The following ALDH1A2 variants were observed in gnomAD, a reference collection of about 807,000 sequenced individuals.
ALDH1A2 encodes the protein retinal dehydrogenase 2.
Under a neutral mutation model 60.3 loss-of-function variants are expected in ALDH1A2, and 27 were observed. That is an observed-to-expected ratio of 0.45 (90% CI 0.33 to 0.62). The LOEUF is 0.62. ALDH1A2 is among the 20% of genes least tolerant of loss of function. ALDH1A2 has a pLI of 0.02. For synonymous variants in ALDH1A2, 289 were observed against 232.4 expected, an observed-to-expected ratio of 1.24 and a Z score of -2.21; for missense variants, 581 against 643.8, an observed-to-expected ratio of 0.90 and a Z score of 1.06.
intron 1 of ALDH1A2, among the ~76,000 whole-genome samples, chr15:58,044,624 C>A (rs548477773): frequency 2.0e-5 from 3 of 152,124 alleles, no homozygotes; most frequent in Non-Finnish European, 2.9e-5. Flanking sequence ...CTGCAGTCTT[C>A]CCAGGTGCAG....
intron 7 of ALDH1A2, among the ~76,000 whole-genome samples, chr15:57,966,345 C>G (rs1348644777): frequency 1.3e-5 from 2 of 152,218 alleles, no homozygotes; most frequent in Non-Finnish European, 2.9e-5. Flanking sequence ...GGATACCAGA[C>G]AGTTGAGAAT....
At chr15:57,978,430 T>A (rs1467803853) in intron 7 of ALDH1A2, among the ~76,000 whole-genome samples, 1 of 152,254 alleles carries the variant, frequency 6.6e-6, no homozygotes, top group Non-Finnish European at 1.5e-5. Context: ...CTTTTCTGTA[T>A]CTGCTGAGAT....
At chr15:57,957,137 AG>A (rs572884070) in intron 12 of ALDH1A2, among the ~76,000 whole-genome samples, 162 of 152,246 alleles carry the variant, frequency 1.1e-3, no homozygotes, top group Non-Finnish European at 1.9e-3. Flanking sequence ...GGAGGCATGG[AG>A]GAGATAAAGA....
At chr15:58,032,870 T>A (rs1237435769) in intron 1 of ALDH1A2, among the ~76,000 whole-genome samples, 3 of 151,910 alleles carry the variant, frequency 2.0e-5, no homozygotes, top group African/African-American at 7.3e-5. Flanking sequence ...ATCATGTCAT[T>A]TGCAGCAACG....
At chr15:57,968,602 A>G (rs918453647) in intron 7 of ALDH1A2, among the ~76,000 whole-genome samples, 5 of 152,240 alleles carry the variant, frequency 3.3e-5, no homozygotes, top group African/African-American at 9.6e-5. Context: ...TCTTCTAGAC[A>G]AAAATAATGT....
At chr15:57,979,125 C>T (rs1352909869) in intron 7 of ALDH1A2, among the ~76,000 whole-genome samples, 2 of 152,018 alleles carry the variant, frequency 1.3e-5, no homozygotes, top group Non-Finnish European at 2.9e-5. Flanking sequence ...TCACTTTCCC[C>T]ACTGGGCCCT....
At chr15:58,063,402 T>A (rs946011059) in intron 1 of ALDH1A2, among the ~76,000 whole-genome samples, 3 of 152,206 alleles carry the variant, frequency 2.0e-5, no homozygotes, top group Admixed American at 1.3e-4. Flanking sequence ...CATTCTATCT[T>A]GTTCACTCTT....
At chr15:58,024,766 A>G (rs1329590884) in intron 1 of ALDH1A2, among the ~76,000 whole-genome samples, 3 of 152,208 alleles carry the variant, frequency 2.0e-5, no homozygotes, top group African/African-American at 7.2e-5. Flanking sequence ...CACATGCAAT[A>G]TTCTCCAGAA....
intron 7 of ALDH1A2, among the ~76,000 whole-genome samples, chr15:57,977,835 T>C (rs1014249207): frequency 7.9e-5 from 12 of 152,088 alleles, no homozygotes; most frequent in African/African-American, 2.4e-4. Flanking sequence ...ACCATGAGTA[T>C]GGAATGTTTT....
chr15:57,983,986 C>T (rs1483741278), intron 7 of ALDH1A2, among the ~76,000 whole-genome samples: 1 of 152,212 alleles, frequency 6.6e-6, no homozygotes, highest in Non-Finnish European at 1.5e-5. Flanking sequence ...AACGGAGTTA[C>T]AATGTGTCTA....
chr15:57,989,901 G>C (rs1311648055), intron 7 of ALDH1A2, among the ~76,000 whole-genome samples: 3 of 149,382 alleles, frequency 2.0e-5, no homozygotes, highest in Non-Finnish European at 4.5e-5. Context: ...AATCTTAAAG[G>C]GGTTTGTTCA....
intron 1 of ALDH1A2, among the ~76,000 whole-genome samples, chr15:58,026,646 G>C (rs559422290): frequency 6.6e-6 from 1 of 152,264 alleles, no homozygotes; most frequent in South Asian, 2.1e-4. Flanking sequence ...GTACGTGGAG[G>C]AACAGTACAC....
intron 4 of ALDH1A2, among the ~76,000 whole-genome samples, chr15:57,999,925 G>A (rs1201050059): frequency 1.3e-5 from 2 of 151,952 alleles, no homozygotes; most frequent in Non-Finnish European, 2.9e-5. Flanking sequence ...GACAATAGAT[G>A]GAGCTGGAAG....
chr15:58,061,316 TTGAC>T (rs1488593459), intron 1 of ALDH1A2, among the ~76,000 whole-genome samples: 3 of 151,978 alleles, frequency 2.0e-5, no homozygotes, highest in Non-Finnish European at 4.4e-5. Context: ...AACATGTAGT[TTGAC>T]TGACAATTTA....
intron 7 of ALDH1A2, among the ~76,000 whole-genome samples, chr15:57,967,484 C>T (rs1440891065): frequency 1.3e-5 from 2 of 152,040 alleles, no homozygotes; most frequent in African/African-American, 2.4e-5. Flanking sequence ...GCAGGTCTCC[C>T]GTAGATCTCC....
At chr15:57,958,037 C>T (rs989899249) in intron 12 of ALDH1A2, among the ~76,000 whole-genome samples, 1 of 152,044 alleles carries the variant, frequency 6.6e-6, no homozygotes. Context: ...TCTGTGGGTC[C>T]TGGGCAGTGA....
At chr15:58,014,643 A>C in intron 1 of ALDH1A2, 6 of 420,142 alleles carry the variant, frequency 1.4e-5, no homozygotes, top group Non-Finnish European at 2.4e-5. Flanking sequence ...AGCAGATCAA[A>C]CTTACAGTCA....
At chr15:57,989,603 T>A (rs1894825543) in intron 7 of ALDH1A2, among the ~76,000 whole-genome samples, 1 of 152,110 alleles carries the variant, frequency 6.6e-6, no homozygotes. Context: ...TATAGTTTGG[T>A]GCAAAAGTCA....
chr15:57,961,649 T>C (rs558762581), intron 10 of ALDH1A2, among the ~76,000 whole-genome samples: 3 of 152,288 alleles, frequency 2.0e-5, no homozygotes, highest in South Asian at 4.1e-4. Flanking sequence ...TGTCCCTCTC[T>C]TGCACAGATG....
Sources: allele counts gnomAD v4.1 joint callset (sites outside exome capture counted in the v4.1 genomes callset), GRCh38; gene constraint gnomAD v4.1.1; transcripts MANE v1.5; gene names NCBI Gene and HGNC (gene_info 2026-07-23, HGNC 2026-07-21).